FOXN3: variants seen among roughly 807,000 people sequenced by gnomAD.
FOXN3 encodes the protein forkhead box N3.
Under a neutral mutation model 38.4 loss-of-function variants are expected in FOXN3, and 7 were observed. That is an observed-to-expected ratio of 0.18 (90% CI 0.10 to 0.34). The LOEUF (loss-of-function observed/expected upper bound fraction) is 0.34, where lower values mean the gene tolerates loss of function less well. Among genes scored for constraint, FOXN3 ranks in the 10% least tolerant of loss-of-function variants. FOXN3 has a pLI of 1.00. For synonymous variants in FOXN3, 230 were observed against 242.2 expected (o/e 0.95, Z 0.47); for missense variants, 456 against 613.4 (o/e 0.74, Z 2.71).
At chr14:89,249,362 G>A (rs1384829863) in intron 4 of FOXN3, among the ~76,000 whole-genome samples, 1 of 152,126 alleles carries the variant, frequency 6.6e-6, no homozygotes, top group African/African-American at 2.4e-5. Flanking sequence ...GGCACTCAGA[G>A]CTTCTCAGCT....
intron 1 of FOXN3, among the ~76,000 whole-genome samples, chr14:89,553,335 C>T (rs889603737): frequency 6.6e-6 from 1 of 151,024 alleles, no homozygotes; most frequent in Non-Finnish European, 1.5e-5. Flanking sequence ...ACACAGTTCC[C>T]CATAATTACA....
At chr14:89,410,885 GGAAAAAA>G (rs960248390) in intron 2 of FOXN3, among the ~76,000 whole-genome samples, 3 of 143,502 alleles carry the variant, frequency 2.1e-5, no homozygotes, top group East Asian at 4.1e-4. Context: ...AAAAAAAAGA[GGAAAAAA>G]AAGAAAAAAG....
intron 1 of FOXN3, among the ~76,000 whole-genome samples, chr14:89,496,779 C>T (rs1038026327): frequency 4.6e-5 from 7 of 152,160 alleles, no homozygotes; most frequent in African/African-American, 1.7e-4. Flanking sequence ...CAATCACTCC[C>T]CATTCTCCAT....
At chr14:89,281,245 C>T (rs571843839) in intron 3 of FOXN3, among the ~76,000 whole-genome samples, 1 of 152,300 alleles carries the variant, frequency 6.6e-6, no homozygotes, top group East Asian at 1.9e-4. Flanking sequence ...CTGCTCACAC[C>T]TGGGCACTGG....
At chr14:89,219,507 T>G (rs1275436310) in intron 4 of FOXN3, among the ~76,000 whole-genome samples, 1 of 152,180 alleles carries the variant, frequency 6.6e-6, no homozygotes, top group Non-Finnish European at 1.5e-5. Flanking sequence ...GTCAGCCCCA[T>G]GAGGAAAGGG....
intron 1 of FOXN3, among the ~76,000 whole-genome samples, chr14:89,454,390 G>T (rs976101493): frequency 6.6e-6 from 1 of 152,198 alleles, no homozygotes; most frequent in Non-Finnish European, 1.5e-5. Flanking sequence ...CAGCACTTTA[G>T]TATTGGACCT....
In FOXN3 at chr14:89,412,743, A is replaced by G. The variant is rs1045680334; in HGVS notation, c.-14-253T>C. ...GATGCCCCTTAAATAAAATAAGACC[A>G]GTAACACCGGCCAGGCACGGTGGCT... is the stretch of plus-strand genomic sequence containing the variant. On this transcript the variant is annotated intron_variant, in intron 1 of 5. Coordinates refer to ENST00000557258, the MANE Select transcript of FOXN3 (RefSeq NM_005197.4). The surrounding 1 kb of genome is among the most constrained non-coding windows in gnomAD (Gnocchi z 4.7). 6.6e-6 allele frequency among the ~76,000 whole-genome samples: 1 copy of G among 152,200 alleles called. No individual in the cohort carries two copies. Among genetic ancestry groups the G allele is most frequent in the African/African-American group, 2.4e-5 (1 of 41,444 alleles).
intron 1 of FOXN3, among the ~76,000 whole-genome samples, chr14:89,497,835 G>A (rs1275332758): frequency 6.6e-6 from 1 of 152,098 alleles, no homozygotes; most frequent in Non-Finnish European, 1.5e-5. Flanking sequence ...CACAGTAGTT[G>A]TACCACTTTA....
At chr14:89,599,566 G>T (rs181837407) in intron 1 of FOXN3, among the ~76,000 whole-genome samples, 1,320 of 130,436 alleles carry the variant, frequency 0.01, 25 homozygotes, top group African/African-American at 0.05. Context: ...ATTTTTTATT[G>T]TTTTTTTTAA....
At chr14:89,343,563 A>AT (rs1888676141) in intron 3 of FOXN3, among the ~76,000 whole-genome samples, 2 of 150,764 alleles carry the variant, frequency 1.3e-5, no homozygotes, top group South Asian at 4.2e-4. Flanking sequence ...AAAATCTGCC[A>AT]TTTTCATTAA....
rs1894997402 is a variant in FOXN3 at position 89,551,092 on chromosome 14, G to C, written c.-15+67936C>G. On this transcript the variant is annotated intron_variant, in intron 1 of 6. Coordinates refer to the FOXN3 transcript ENST00000345097. ...AAGTTACGCACAATGACATCCTTTG[G>C]TTCCTTGCCCGGGATAGAGGTTTAA... Among the ~76,000 whole-genome samples, 2 of 152,290 alleles carry C rather than the reference G, an allele frequency of 1.3e-5. 1 individual carries two copies. Among genetic ancestry groups the C allele is most frequent in the Non-Finnish European group, 2.9e-5 (2 of 68,026 alleles).
intron 4 of FOXN3, among the ~76,000 whole-genome samples, chr14:89,217,419 C>A (rs368380745): frequency 2.0e-5 from 3 of 152,308 alleles, no homozygotes; most frequent in Admixed American, 1.3e-4. Flanking sequence ...GGATTACAGG[C>A]ATGAGCCACC....
intron 1 of FOXN3, among the ~76,000 whole-genome samples, chr14:89,590,449 A>C (rs547922454): frequency 1.4e-4 from 21 of 152,196 alleles, no homozygotes; most frequent in Non-Finnish European, 2.5e-4. Flanking sequence ...AGAGGGGAGA[A>C]CGGAGCAGAA....
intron 1 of FOXN3, among the ~76,000 whole-genome samples, chr14:89,522,567 TA>T (rs1191976507): frequency 6.6e-6 from 1 of 151,888 alleles, no homozygotes; most frequent in Admixed American, 6.6e-5. Flanking sequence ...AGTATAGAAG[TA>T]AAACATATGT....
chr14:89,506,808 G>A (rs1478004663), intron 1 of FOXN3, among the ~76,000 whole-genome samples: 1 of 152,242 alleles, frequency 6.6e-6, no homozygotes, highest in Non-Finnish European at 1.5e-5. Context: ...TTAGGATCCT[G>A]TTGATCTGTG....
upstream of FOXN3, chr14:89,419,117 T>A (rs773982525): frequency 4.4e-6 from 2 of 456,102 alleles, no homozygotes; most frequent in South Asian, 3.1e-5. Flanking sequence ...TTTTGCTTCT[T>A]GCATTCTCAA....
At chr14:89,308,795 T>C (rs11159899) in intron 3 of FOXN3, among the ~76,000 whole-genome samples, 2,294 of 152,302 alleles carry the variant, frequency 0.015, 64 homozygotes, top group African/African-American at 0.053. Flanking sequence ...AAAGCAGCTG[T>C]GGCCTGAGCA....
intron 1 of FOXN3, among the ~76,000 whole-genome samples, chr14:89,443,286 A>G (rs1404110131): frequency 2.0e-5 from 3 of 152,114 alleles, no homozygotes; most frequent in African/African-American, 7.2e-5. Flanking sequence ...TGGTATAGCC[A>G]TATTTTATGG....
Position 89,162,927 on chromosome 14 carries a change from T to C in FOXN3, c.894A>G (p.Pro298=), listed in dbSNP as rs780453992. 10 of 1,588,646 alleles carry C rather than the reference T, an allele frequency of 6.3e-6. No homozygotes were observed. In the South Asian group the frequency reaches 1.0e-4, roughly 16 times the overall value. The change falls in exon 6 of 6, where the codon CCA becomes CCG. Residue 298 remains proline, a synonymous_variant. Transcript: ENST00000557258. This position sits in a 1 kb window ranked among gnomAD's most constrained non-coding sequence, Gnocchi z 7.2. ...TSCRMRTESE[P]SCGSPVVSGD... ...CGCTGACCACTGGGGAGCCACAAGA[T>C]GGCTCACTCTCAGTCCGCATCCGGC...
Sources: gnomAD v4.1 joint callset for allele counts (sites outside exome capture counted in the v4.1 genomes callset) on GRCh38, gnomAD v4.1.1 for gene constraint, Gnocchi (gnomAD v3.1) non-coding constraint, MANE v1.5 for transcripts, NCBI Gene and HGNC (gene_info 2026-07-23, HGNC 2026-07-21) for gene names.